The following MAN2C1 variants were observed in gnomAD, a reference collection of about 807,000 sequenced individuals.
MAN2C1 encodes alpha-mannosidase 2C1.
In MAN2C1, 111 loss-of-function variants were observed where a neutral mutation model predicts 126.9. The ratio of observed to expected loss-of-function variants is 0.87; its 90% CI spans 0.75 to 1.02. MAN2C1 has a LOEUF of 1.02. Among genes scored for constraint, MAN2C1 ranks in the 50% least tolerant of loss-of-function variants. MAN2C1 has a pLI of 0.00. For synonymous variants in MAN2C1, 567 were observed against 561.5 expected, an observed-to-expected ratio of 1.01 and a Z score of -0.14; for missense variants, 1,363 against 1,364.4, an observed-to-expected ratio of 1.00 and a Z score of 0.02.
intron 4 of MAN2C1, 42 bp from the exon 5 acceptor site, chr15:75,364,707 C>G (rs1489414773): frequency 6.5e-7 from 1 of 1,545,600 alleles, no homozygotes; most frequent in Non-Finnish European, 8.8e-7. Context: ...GGGACTGGCA[C>G]AGTACTCCGG....
rs150383464 is a variant in MAN2C1 at position 75,356,664 on chromosome 15, C to T, written c.2679G>A (p.Pro893=). 4.8e-4 allele frequency: 756 copies of T among 1,585,608 alleles called. 4 individuals carry two copies. The highest frequency in any genetic ancestry group is 2.9e-3 in the South Asian group (257 of 88,060). Residue 893 remains proline, a synonymous_variant, in exon 23 of 26, where the codon CCG becomes CCA. Coordinates refer to ENST00000267978, the MANE Select transcript of MAN2C1 (RefSeq NM_006715.4). This position sits in a 1 kb window ranked among gnomAD's most constrained non-coding sequence, Gnocchi z 5.8. ...GGCGCCCCGTGTCAGCAGTAGCGTC[C>T]GGGGCTTTAGGCGCCCGCAAGCTGG... ...SLSLLRAPKA[P]DATADTGRHE...
chr15:75,358,453 C>T lies in MAN2C1; in HGVS notation c.2403+9G>A, dbSNP rs200817964. 6.2e-6 allele frequency: 10 copies of T among 1,613,272 alleles called. No individual in the cohort carries two copies. The Admixed American group carries it at 1.0e-4, about 16-fold the overall frequency. ...TGGGGAAAACAGCCACCCCCTACCC[C>T]CCGACTACCTCGGTGTGGAAGCGGA... On this transcript the variant is annotated intron_variant, in intron 20 of 25. Transcript: ENST00000267978.
chr15:75,361,452 A>T lies in MAN2C1; in HGVS notation c.1219-71T>A, dbSNP rs1460021841. On this transcript the variant is annotated intron_variant, in intron 10 of 25. Coordinates refer to ENST00000267978, the MANE Select transcript of MAN2C1 (RefSeq NM_006715.4). This position sits in a 1 kb window ranked among gnomAD's most constrained non-coding sequence, Gnocchi z 5.0. ...GCTGAGGCAGAGCCAGGCCTTCCAG[A>T]CTTGGTCCTGCCCCTGCCTGCTATG... The T allele has an allele frequency of 1.5e-6, 2 of 1,362,632 alleles. No individual in the cohort carries two copies. Among genetic ancestry groups the T allele is most frequent in the African/African-American group, 1.4e-5 (1 of 69,714 alleles). 84.4% of individuals were successfully genotyped at this position (1,362,632 alleles called of 1,614,324 possible).
In MAN2C1 at chr15:75,362,689, G is replaced by A; in HGVS notation, c.850C>T (p.Leu284=). The part of the protein sequence containing the change: ...RKCARSWVTA[L]QLMERNPEFI... Reference sequence around the variant, plus strand: ...TCAGGGTTCCGCTCCATGAGCTGCAGGGCGGTCACCCAGCTCCGGGCACAT... The same window carrying A: ...TCAGGGTTCCGCTCCATGAGCTGCAAGGCGGTCACCCAGCTCCGGGCACAT... The change falls in exon 7 of 26, where the codon CTG becomes TTG. Residue 284 remains leucine (L), a synonymous_variant. Transcript: ENST00000267978. This position sits in a 1 kb window ranked among gnomAD's most constrained non-coding sequence, Gnocchi z 4.5. 2 of 1,614,142 alleles carry A rather than the reference G, an allele frequency of 1.2e-6. No homozygotes were observed. The highest frequency in any genetic ancestry group is 1.3e-5 in the African/African-American group (1 of 75,044).
At position 75,356,914 on chromosome 15, in the gene MAN2C1, A is replaced by C; in HGVS notation, c.2548-12T>G. 1.2e-6 allele frequency: 2 copies of C among 1,611,346 alleles called. No individual in the cohort carries two copies. The highest frequency in any genetic ancestry group is 1.7e-6 in the Non-Finnish European group (2 of 1,177,690). On this transcript the variant is annotated splice_polypyrimidine_tract_variant and intron_variant, in intron 21 of 25. Coordinates refer to ENST00000267978, the MANE Select transcript of MAN2C1 (RefSeq NM_006715.4). The surrounding 1 kb of genome is among the most constrained non-coding windows in gnomAD (Gnocchi z 5.8). ...CGATGGGCCCACACCTGGAGGGCAG[A>C]TCCAAGACCCACTTGGTGGCCCTGT... is the stretch of plus-strand genomic sequence containing the variant.
chr15:75,368,575 A>C lies in MAN2C1; in HGVS notation c.9T>G (p.Ala3=), dbSNP rs1184262997. 6 of 1,544,164 alleles carry C rather than the reference A, an allele frequency of 3.9e-6. No individual in the cohort carries two copies. The highest frequency in any genetic ancestry group is 4.4e-6 in the Non-Finnish European group (5 of 1,145,314). ...TGCGCCAGTGCTTCAAGGCCGGCGC[A>C]GCCGCCATCGCCGGGCTCTCGCTCC... MA[A]APALKHWRTT... The change falls in exon 1 of 26, where the codon GCT becomes GCG. Residue 3 remains alanine, a synonymous_variant. Coordinates refer to ENST00000267978, the MANE Select transcript of MAN2C1 (RefSeq NM_006715.4).
At chr15:75,360,949 G>A in intron 12 of MAN2C1, 97 bp downstream of exon 12, 1 of 1,443,838 alleles carries the variant, frequency 6.9e-7, no homozygotes, top group African/African-American at 1.4e-5. Context: ...GACAGGACAA[G>A]GTCCAGAGGA....
In MAN2C1 at chr15:75,359,117, G is replaced by A. The variant is rs1289736856; in HGVS notation, c.2083C>T (p.Arg695Ter). Residue 695 changes from arginine to a stop codon, truncating the protein, a stop_gained, in exon 18 of 26, where the codon CGA becomes TGA. Transcript: ENST00000267978. LOFTEE classifies it high-confidence loss of function. ...CGACCAGTTGGGTCCAGCTTCACTC[G>A]GATGATGCCATTGTCCAGAGTCACG... ...GSVTLDNGII[R>*]VKLDPTGRLT... 8.1e-6 allele frequency: 13 copies of A among 1,613,906 alleles called. No homozygotes were observed. Among genetic ancestry groups the A allele is most frequent in the South Asian group, 2.2e-5 (2 of 91,092 alleles).
In MAN2C1 at chr15:75,362,511, A is replaced by T; in HGVS notation, c.898-58T>A. 2.6e-6 allele frequency: 4 copies of T among 1,536,060 alleles called. No individual in the cohort carries two copies. Among genetic ancestry groups the T allele is most frequent in the Non-Finnish European group, 3.6e-6 (4 of 1,125,080 alleles). On this transcript the variant is annotated intron_variant, in intron 7 of 25. Coordinates refer to ENST00000267978, the MANE Select transcript of MAN2C1 (RefSeq NM_006715.4). The surrounding 1 kb of genome is among the most constrained non-coding windows in gnomAD (Gnocchi z 4.5). ...GTGACAAGGGCCCCACCCAGGACTG[A>T]GCATATGGGACTCAGTGTGTGGCTG... is the stretch of plus-strand genomic sequence containing the variant.
intron 3 of MAN2C1, among the ~76,000 whole-genome samples, 159 bp downstream of exon 3, chr15:75,367,352 C>A (rs1226571469): frequency 6.6e-6 from 1 of 152,180 alleles, no homozygotes. Flanking sequence ...ACCAATTGCA[C>A]AGATGCCCAA....
chr15:75,364,443 G>A lies in MAN2C1; in HGVS notation c.600+45C>T, dbSNP rs1160581837. 3.3e-6 allele frequency: 5 copies of A among 1,494,030 alleles called. No individual in the cohort carries two copies. In the Admixed American group the frequency reaches 9.5e-5, roughly 28 times the overall value. 92.5% of individuals were successfully genotyped at this position (1,494,030 alleles called of 1,614,324 possible). ...TGACCCAAAGAACAACCTTCTTGGA[G>A]CAGGGCTCTAGAGGGTAGCAGGGGG... On this transcript the variant is annotated intron_variant, in intron 5 of 25. Coordinates refer to ENST00000267978, the MANE Select transcript of MAN2C1 (RefSeq NM_006715.4).
intron 6 of MAN2C1, 167 bp downstream of exon 6, chr15:75,363,832 C>A: frequency 1.5e-6 from 1 of 680,528 alleles, no homozygotes; most frequent in Admixed American, 3.1e-5. Flanking sequence ...GAATCCAAAG[C>A]AAGCAGAGCC....
In MAN2C1 at chr15:75,358,451, C is replaced by G. The variant is rs901566179; in HGVS notation, c.2403+11G>C. The G allele has an allele frequency of 4.3e-6, 7 of 1,613,328 alleles. No individual in the cohort carries two copies. The highest frequency in any genetic ancestry group is 5.9e-6 in the Non-Finnish European group (7 of 1,179,794). ...CTTGGGGAAAACAGCCACCCCCTAC[C>G]CCCCGACTACCTCGGTGTGGAAGCG... On this transcript the variant is annotated intron_variant, in intron 20 of 25. Transcript: ENST00000267978.
rs762589940 is a variant in MAN2C1 at position 75,356,622 on chromosome 15, T to C, written c.2721A>G (p.Ala907=). ...AGCACTCACCCTTGTGCGGCATCAG[T>C]GCATAGGTGAACTCGTGGCGCCCCG... ...ADTGRHEFTY[A]LMPHKGSFQD... The change falls in exon 23 of 26, where the codon GCA becomes GCG. Residue 907 remains alanine, a synonymous_variant. Transcript: ENST00000267978. The surrounding 1 kb of genome is among the most constrained non-coding windows in gnomAD (Gnocchi z 5.8). 3.2e-6 allele frequency: 5 copies of C among 1,563,934 alleles called. No homozygotes were observed. In the East Asian group the frequency reaches 9.5e-5, roughly 30 times the overall value.
rs1288229598 is a variant in MAN2C1, at chr15:75,368,054, C to A, written c.227+19G>T. 1 of 1,596,122 alleles carries A rather than the reference C, an allele frequency of 6.3e-7. No homozygotes were observed. Among genetic ancestry groups the A allele is most frequent in the Non-Finnish European group, 8.5e-7 (1 of 1,173,480 alleles). On this transcript the variant is annotated intron_variant, in intron 2 of 25. Transcript: ENST00000267978. The stretch of plus-strand genomic sequence containing the variant: ...TCCCCTAGGCCTGTGGCCCCGCCCA[C>A]CCGCTGGGCGTTACCTACGTGGGTC...
rs1466517187 is a variant in MAN2C1 at position 75,360,658 on chromosome 15, G to A, written c.1491C>T (p.Phe497=). ...GCTCTGAGTCACTCTCCAGTGCTGA[G>A]AAGAGCTGTCTTGGAGAAGATAGCT... ...RVQLSSPRQL[F]SALESDSEQL... Residue 497 remains phenylalanine (F), a synonymous_variant, in exon 13 of 26, where the codon TTC becomes TTT. Transcript: ENST00000267978. The A allele has an allele frequency of 1.2e-6, 2 of 1,613,768 alleles. No homozygotes were observed. Among genetic ancestry groups the A allele is most frequent in the African/African-American group, 2.7e-5 (2 of 74,930 alleles).
intron 3 of MAN2C1, 69 bp from the exon 4 acceptor site, chr15:75,366,661 T>C (rs752738971): frequency 8.3e-6 from 10 of 1,211,794 alleles, no homozygotes; most frequent in South Asian, 1.4e-5. Flanking sequence ...GTGTAAGCCA[T>C]GGGGAGTCAG....
At position 75,356,623 on chromosome 15, in the gene MAN2C1, G is replaced by C; in HGVS notation, c.2720C>G (p.Ala907Gly). The C allele has an allele frequency of 6.4e-7, 1 of 1,564,444 alleles. No individual in the cohort carries two copies. Among genetic ancestry groups the C allele is most frequent in the Non-Finnish European group, 8.7e-7 (1 of 1,154,880 alleles). The stretch of plus-strand genomic sequence containing the variant: ...GCACTCACCCTTGTGCGGCATCAGT[G>C]CATAGGTGAACTCGTGGCGCCCCGT... ...ADTGRHEFTY[A>G]LMPHKGSFQD... Residue 907 changes from alanine (A) to glycine (G), a missense_variant, in exon 23 of 26, where the codon GCA (alanine) becomes GGA (glycine). Ala to Gly is a moderately conservative substitution (Grantham distance 60). This residue lies in a region of MAN2C1 where 668 missense variants were observed against 650.1 expected (regional missense o/e 1.03). Coordinates refer to ENST00000267978, the MANE Select transcript of MAN2C1 (RefSeq NM_006715.4). This position sits in a 1 kb window ranked among gnomAD's most constrained non-coding sequence, Gnocchi z 5.8.
intron 3 of MAN2C1, among the ~76,000 whole-genome samples, 196 bp from the exon 4 acceptor site, chr15:75,366,788 G>A (rs975651340): frequency 3.3e-5 from 5 of 152,234 alleles, no homozygotes; most frequent in African/African-American, 9.6e-5. Flanking sequence ...CACCATGACC[G>A]TCAAATAGCC....
Sources: gnomAD v4.1 joint callset for allele counts (sites outside exome capture counted in the v4.1 genomes callset) on GRCh38, gnomAD v4.1.1 for gene constraint, gnomAD v4.1.1 regional missense constraint, Gnocchi (gnomAD v3.1) non-coding constraint, MANE v1.5 for transcripts, NCBI Gene and HGNC (gene_info 2026-07-23, HGNC 2026-07-21) for gene names.